SLC25A30: variants seen among roughly 807,000 people sequenced by gnomAD.
SLC25A30 encodes the protein kidney mitochondrial carrier protein 1.
A neutral mutation model predicts 42.7 loss-of-function variants in SLC25A30; 29 were observed. That is an observed-to-expected ratio of 0.68 (90% CI 0.51 to 0.93). The LOEUF is 0.93. Ranked by LOEUF, SLC25A30 falls within the 40% of genes least tolerant of loss-of-function variation. The pLI, the probability that SLC25A30 is intolerant of heterozygous loss-of-function variation, is 0.00. For missense variants in SLC25A30, 300 were observed against 359.7 expected, an observed-to-expected ratio of 0.83 and a Z score of 1.34; for synonymous variants, 124 against 131.0, an observed-to-expected ratio of 0.95 and a Z score of 0.37.
At chr13:45,409,240 A>C (rs1162260566) in intron 2 of SLC25A30, among the ~76,000 whole-genome samples, 166 bp from the exon 3 acceptor site, 1 of 152,220 alleles carries the variant, frequency 6.6e-6, no homozygotes, top group Non-Finnish European at 1.5e-5. Context: ...TTGAGGAATC[A>C]AAAGATTAAT....
chr13:45,398,111 A>G (rs1031037803), intron 8 of SLC25A30: 2 of 947,380 alleles, frequency 2.1e-6, no homozygotes, highest in African/African-American at 3.5e-5. Context: ...CAGGAACCAC[A>G]AAAGTGGCCC....
Position 45,399,034 on chromosome 13 carries a change from G to T in SLC25A30, c.659C>A (p.Pro220His), listed in dbSNP as rs1476428664. The T allele has an allele frequency of 6.2e-7, 1 of 1,613,584 alleles. No individual in the cohort carries two copies. Among genetic ancestry groups the T allele is most frequent in the African/African-American group, 1.3e-5 (1 of 74,856 alleles). The change falls in exon 8 of 10, where the codon CCT (proline) becomes CAT (histidine). Residue 220 changes from proline to histidine, a missense_variant. Physicochemically the swap from Pro to His is moderately conservative, Grantham distance 77. Coordinates refer to ENST00000519676, the MANE Select transcript of SLC25A30 (RefSeq NM_001010875.4). ...CATACGTGTCCTCACAACATCAACA[G>T]GGTTTGAGGCCAGGGCCCCTGCCAG... ...CGLAGALASN[P>H]VDVVRTRMMN...
the SLC25A30 span, among the ~76,000 whole-genome samples, chr13:45,425,476 GCATATATAAA>G: frequency 2.3e-5 from 2 of 85,582 alleles, no homozygotes; most frequent in African/African-American, 8.3e-5. Context: ...ATATATATAA[GCATATATAAA>G]TATATATAAG....
At chr13:45,425,600 ATATATATAC>A in the SLC25A30 span, among the ~76,000 whole-genome samples, 1 of 47,064 alleles carries the variant, frequency 2.1e-5, no homozygotes, top group Non-Finnish European at 3.9e-5. Flanking sequence ...ATATATACAT[ATATATATAC>A]ATATATAAAT....
chr13:45,403,469 T>C (rs569775515), intron 5 of SLC25A30, among the ~76,000 whole-genome samples: 1 of 152,298 alleles, frequency 6.6e-6, no homozygotes, highest in Admixed American at 6.5e-5. Context: ...GAATACTCTG[T>C]GGGGTTCAAA....
chr13:45,423,676 A>G, the SLC25A30 span, among the ~76,000 whole-genome samples: 25 of 13,324 alleles, frequency 1.9e-3, no homozygotes, highest in East Asian at 0.053. Context: ...TAAAATACAT[A>G]TTTATATAAA....
intron 8 of SLC25A30, 44 bp downstream of exon 8, chr13:45,398,896 A>T (rs889113416): frequency 1.0e-5 from 16 of 1,582,754 alleles, no homozygotes; most frequent in South Asian, 1.2e-5. Flanking sequence ...AGATCAAAAA[A>T]ATATATAATT....
At chr13:45,423,599 AT>A in the SLC25A30 span, among the ~76,000 whole-genome samples, 1 of 88,010 alleles carries the variant, frequency 1.1e-5, no homozygotes, top group African/African-American at 4.3e-5. Context: ...AAATATATAT[AT>A]ATATAAATAT....
chr13:45,421,430 T>G (rs1253154755), upstream of SLC25A30, among the ~76,000 whole-genome samples: 2 of 141,346 alleles, frequency 1.4e-5, no homozygotes, highest in African/African-American at 2.6e-5. Flanking sequence ...AGTCCAGAAA[T>G]ATATCTACGA....
At chr13:45,418,524 G>C (rs1370361352), upstream of SLC25A30, 1 of 152,498 alleles carries the variant, frequency 6.6e-6, no homozygotes, top group Non-Finnish European at 1.5e-5. Flanking sequence ...ATGGGGACAC[G>C]GAGGGGCGGG....
chr13:45,426,329 C>A, the SLC25A30 span, among the ~76,000 whole-genome samples: 6 of 152,074 alleles, frequency 3.9e-5, no homozygotes, highest in African/African-American at 1.4e-4. Flanking sequence ...TCGTGATCCA[C>A]CCGCCCTGGC....
rs1200566810 is a variant in SLC25A30 at position 45,395,256 on chromosome 13, G to A, written c.*718C>T. On this transcript the variant is annotated 3_prime_UTR_variant, in exon 10 of 10. Transcript: ENST00000519676. ...CATGACCTAAGACAGAACCTAAGCT[G>A]CTTGAAAACACCCCCCACCAATACA... is the stretch of plus-strand genomic sequence containing the variant. 1 of 985,422 alleles carries A rather than the reference G, an allele frequency of 1.0e-6. No individual in the cohort carries two copies. Among genetic ancestry groups the A allele is most frequent in the African/African-American group, 1.7e-5 (1 of 57,214 alleles). The allele number at this position is 985,422 out of a possible 1,614,324, so 61.0% of individuals were successfully genotyped here.
chr13:45,407,617 C>T (rs1882638996), intron 3 of SLC25A30, among the ~76,000 whole-genome samples: 2 of 152,174 alleles, frequency 1.3e-5, no homozygotes, highest in African/African-American at 4.8e-5. Context: ...ATGCTTCCAA[C>T]ATGGATCCAA....
rs1421662901 is a variant in SLC25A30 at position 45,393,373 on chromosome 13, C to T, written c.*2601G>A. The T allele has an allele frequency of 1.2e-5, 12 of 979,462 alleles. No individual in the cohort carries two copies. The highest frequency in any genetic ancestry group is 1.5e-5 in the Non-Finnish European group (12 of 824,678). The allele number at this position is 979,462 out of a possible 1,614,324, so 60.7% of individuals were successfully genotyped here. On this transcript the variant is annotated 3_prime_UTR_variant, in exon 10 of 10. Coordinates refer to ENST00000519676, the MANE Select transcript of SLC25A30 (RefSeq NM_001010875.4). ...AATAAATGAAACAAGGCTTATGCCA[C>T]ATATTCCAACAATGTTTAAATAAAG...
chr13:45,414,635 T>TACAC (rs145462442), intron 1 of SLC25A30, among the ~76,000 whole-genome samples: 19,165 of 139,842 alleles, frequency 0.14, 1,519 homozygotes, highest in African/African-American at 0.24. Context: ...CACACACACA[T>TACAC]ACACACACAC....
chr13:45,414,015 C>T (rs953684625), intron 1 of SLC25A30, among the ~76,000 whole-genome samples: 2 of 152,194 alleles, frequency 1.3e-5, no homozygotes, highest in African/African-American at 4.8e-5. Flanking sequence ...TCATAGTTTT[C>T]AATCACATGG....
chr13:45,432,647 T>C, the SLC25A30 span, among the ~76,000 whole-genome samples: 1 of 151,612 alleles, frequency 6.6e-6, no homozygotes, highest in African/African-American at 2.4e-5. Context: ...AAAAATATGA[T>C]ATTAAAAGCA....
the SLC25A30 span, among the ~76,000 whole-genome samples, chr13:45,433,649 G>A: frequency 6.6e-6 from 1 of 152,282 alleles, no homozygotes; most frequent in African/African-American, 2.4e-5. Flanking sequence ...ATTTCCATCT[G>A]GTAATAGTGG....
upstream of SLC25A30, among the ~76,000 whole-genome samples, chr13:45,421,405 TA>T (rs1465338228): frequency 1.3e-5 from 2 of 148,242 alleles, no homozygotes; most frequent in African/African-American, 2.5e-5. Flanking sequence ...AAAAAAGAAT[TA>T]AAAAAAAGTG....
Sources: allele counts gnomAD v4.1 joint callset (sites outside exome capture counted in the v4.1 genomes callset), GRCh38; gene constraint gnomAD v4.1.1; transcripts MANE v1.5; gene names NCBI Gene and HGNC (gene_info 2026-07-23, HGNC 2026-07-21).